Variants in ELAVL2 observed in about 807,000 individuals in gnomAD.
The protein encoded by ELAVL2 is ELAV like RNA binding protein 2, also known as ELAV-like protein 2.
In ELAVL2, 4 loss-of-function variants were observed where a neutral mutation model predicts 34.6. The observed-to-expected ratio is 0.12, with a 90% confidence interval of 0.06 to 0.26. The LOEUF (loss-of-function observed/expected upper bound fraction) is 0.26, where lower values mean the gene tolerates loss of function less well. Among genes scored for constraint, ELAVL2 ranks in the 10% least tolerant of loss-of-function variants. The pLI, the probability that ELAVL2 is intolerant of heterozygous loss-of-function variation, is 1.00. For missense variants in ELAVL2, 432 were observed against 442.8 expected (o/e 0.98, Z 0.22); for synonymous variants, 193 against 154.8 (o/e 1.25, Z -1.83).
intron 1 of ELAVL2, among the ~76,000 whole-genome samples, chr9:23,771,487 T>G (rs980493419): frequency 6.6e-6 from 1 of 152,038 alleles, no homozygotes; most frequent in Non-Finnish European, 1.5e-5. Context: ...TTTATAAATA[T>G]TAAATCCAGA....
At chr9:23,759,221 G>C (rs1345662452) in intron 2 of ELAVL2, among the ~76,000 whole-genome samples, 1 of 151,962 alleles carries the variant, frequency 6.6e-6, no homozygotes, top group Non-Finnish European at 1.5e-5. Flanking sequence ...TATACAAAAT[G>C]AAATACCATT....
chr9:23,730,976 T>G (rs766272205), intron 3 of ELAVL2, 46 bp downstream of exon 3: 9 of 1,540,420 alleles, frequency 5.8e-6, no homozygotes, highest in Non-Finnish European at 8.0e-6. Flanking sequence ...CTTAATTTTT[T>G]TAAACTTCTG....
At chr9:23,801,726 G>A (rs779948690) in intron 1 of ELAVL2, among the ~76,000 whole-genome samples, 2 of 152,168 alleles carry the variant, frequency 1.3e-5, no homozygotes, top group Non-Finnish European at 2.9e-5. Flanking sequence ...GTCTAAATCA[G>A]CACATTTGAA....
chr9:23,700,709 G>T (rs2036884757), intron 5 of ELAVL2, among the ~76,000 whole-genome samples: 1 of 152,144 alleles, frequency 6.6e-6, no homozygotes, highest in Non-Finnish European at 1.5e-5. Context: ...ACTGTACAGA[G>T]AAAGTCTGCC....
chr9:23,816,992 T>A (rs1448832456), intron 1 of ELAVL2, among the ~76,000 whole-genome samples: 1 of 152,054 alleles, frequency 6.6e-6, no homozygotes, highest in Non-Finnish European at 1.5e-5. Context: ...AAACTGTAGA[T>A]AACATACCTG....
At chr9:23,760,150 C>T (rs2054618307) in intron 2 of ELAVL2, among the ~76,000 whole-genome samples, 1 of 151,830 alleles carries the variant, frequency 6.6e-6, no homozygotes, top group Non-Finnish European at 1.5e-5. Flanking sequence ...TAAAGATTCA[C>T]AAAAGAGTAA....
intron 3 of ELAVL2, among the ~76,000 whole-genome samples, chr9:23,718,046 T>G (rs2042754810): frequency 6.6e-6 from 1 of 152,160 alleles, no homozygotes; most frequent in African/African-American, 2.4e-5. Flanking sequence ...TACTGACCTT[T>G]CCTACAAACT....
chr9:23,827,432 C>T (rs1293384030), upstream of ELAVL2, among the ~76,000 whole-genome samples: 1 of 152,188 alleles, frequency 6.6e-6, no homozygotes, highest in South Asian at 2.1e-4. Flanking sequence ...TATAAGTAGA[C>T]ACAATATTCA....
At chr9:23,769,252 C>G (rs2056881689) in intron 1 of ELAVL2, among the ~76,000 whole-genome samples, 1 of 152,134 alleles carries the variant, frequency 6.6e-6, no homozygotes, top group Admixed American at 6.6e-5. Context: ...CTTTACCACA[C>G]CATCCTTTGG....
intron 1 of ELAVL2, among the ~76,000 whole-genome samples, chr9:23,781,842 G>A (rs763240367): frequency 1.7e-4 from 26 of 151,866 alleles, no homozygotes; most frequent in Non-Finnish European, 3.2e-4. Flanking sequence ...CCGCCACCAC[G>A]CCCGGCTAAT....
intron 1 of ELAVL2, among the ~76,000 whole-genome samples, chr9:23,770,175 TAGA>T (rs2057051820): frequency 6.6e-6 from 1 of 152,052 alleles, no homozygotes; most frequent in South Asian, 2.1e-4. Context: ...TATGAACACA[TAGA>T]AGAAAACAGT....
At chr9:23,743,197 G>C (rs1158022485) in intron 2 of ELAVL2, among the ~76,000 whole-genome samples, 1 of 152,128 alleles carries the variant, frequency 6.6e-6, no homozygotes, top group Non-Finnish European at 1.5e-5. Flanking sequence ...TTTGCTCAGG[G>C]ACAGCTTATG....
At chr9:23,759,646 T>C (rs887480397) in intron 2 of ELAVL2, among the ~76,000 whole-genome samples, 1 of 150,500 alleles carries the variant, frequency 6.6e-6, no homozygotes, top group Non-Finnish European at 1.5e-5. Flanking sequence ...CATCAAAACA[T>C]CTCACTGTAC....
In ELAVL2 at chr9:23,797,928, CAAAAGAAAAAAAAAGAAAAG is replaced by C. The variant is rs536288201; in HGVS notation, c.-16+27858_-16+27877del. 3.0e-3 allele frequency among the ~76,000 whole-genome samples: 415 copies of C among 140,290 alleles called. 3 individuals are homozygous for C. The highest frequency in any genetic ancestry group is 9.1e-3 in the African/African-American group (343 of 37,560). 92.0% of individuals were successfully genotyped at this position (140,290 alleles called of 152,430 possible). On this transcript the variant is annotated intron_variant, in intron 1 of 6. Transcript: ENST00000397312. Reference sequence around the variant, plus strand: ...GCGCAACAAGAGTGAAACTCTGTCTCAAAAGAAAAAAAAAGAAAAGAAAAGAAAAAAAAAGTATGGGATAA... The same window carrying C: ...GCGCAACAAGAGTGAAACTCTGTCTCAAAAGAAAAAAAAAGTATGGGATAA...
rs199637833 is a variant in ELAVL2 at position 23,699,812 on chromosome 9, GTTT to G, written c.713+1564_713+1566del. Among the ~76,000 whole-genome samples, 100 of 82,886 alleles carry G rather than the reference GTTT, an allele frequency of 1.2e-3. 1 individual carries two copies. Among genetic ancestry groups the G allele is most frequent in the African/African-American group, 3.8e-3 (87 of 22,844 alleles). 54.4% of individuals were successfully genotyped at this position (82,886 alleles called of 152,430 possible). A position where few individuals can be genotyped will look rare whatever the true frequency, so the allele number is the denominator to read the frequency against. On this transcript the variant is annotated intron_variant, in intron 5 of 6. Transcript: ENST00000397312. ...CCATGGGAAGTCAAAGGTGGCAAAGGTTTTTTTTTTTTTTTTTTTTTTTTTTTT... is the reference window on the plus strand; with the variant it reads ...CCATGGGAAGTCAAAGGTGGCAAAGGTTTTTTTTTTTTTTTTTTTTTTTTT...
intron 1 of ELAVL2, among the ~76,000 whole-genome samples, chr9:23,808,468 T>C (rs1279302349): frequency 6.6e-6 from 1 of 152,106 alleles, no homozygotes; most frequent in African/African-American, 2.4e-5. Flanking sequence ...ACATGTAAAC[T>C]GGCAAAATAA....
At chr9:23,720,696 T>C (rs535723543) in intron 3 of ELAVL2, among the ~76,000 whole-genome samples, 2 of 152,152 alleles carry the variant, frequency 1.3e-5, no homozygotes, top group Non-Finnish European at 2.9e-5. Context: ...ATTCAACATA[T>C]CTTGATGTAA....
At chr9:23,848,521 G>A in the ELAVL2 span, among the ~76,000 whole-genome samples, 1 of 152,114 alleles carries the variant, frequency 6.6e-6, no homozygotes, top group Non-Finnish European at 1.5e-5. Context: ...ACTGCATAAG[G>A]TATCACTTTC....
At chr9:23,732,576 T>C (rs1324761322) in intron 2 of ELAVL2, among the ~76,000 whole-genome samples, 4 of 152,234 alleles carry the variant, frequency 2.6e-5, no homozygotes, top group African/African-American at 9.6e-5. Flanking sequence ...ATTCAAAATT[T>C]ATCATGTGTT....
Sources: gnomAD v4.1 joint callset for allele counts (sites outside exome capture counted in the v4.1 genomes callset) on GRCh38, gnomAD v4.1.1 for gene constraint, MANE v1.5 for transcripts, NCBI Gene and HGNC (gene_info 2026-07-23, HGNC 2026-07-21) for gene names.